SULT1B1: variants seen among roughly 807,000 people sequenced by gnomAD.
The protein encoded by SULT1B1 is sulfotransferase 1B1.
A neutral mutation model predicts 34.6 loss-of-function variants in SULT1B1; 28 were observed. That is an observed-to-expected ratio of 0.81 (90% CI 0.60 to 1.11). SULT1B1 has a LOEUF of 1.11. SULT1B1 is among the 50% of genes least tolerant of loss of function. The pLI, the probability that SULT1B1 is intolerant of heterozygous loss-of-function variation, is 0.00. For synonymous variants in SULT1B1, 147 were observed against 110.2 expected, an observed-to-expected ratio of 1.33 and a Z score of -2.09; for missense variants, 374 against 352.2, an observed-to-expected ratio of 1.06 and a Z score of -0.50.
At position 69,734,959 on chromosome 4, in the gene SULT1B1, C is replaced by T. The variant is rs1299437111; in HGVS notation, c.376-695G>A. 2.0e-5 allele frequency among the ~76,000 whole-genome samples: 3 copies of T among 151,788 alleles called. No homozygotes were observed. In the East Asian group the frequency reaches 5.8e-4, roughly 30 times the overall value. ...TCAGCCTCCGGAGTAGCTGTGACTACAGGCGCCCGCCACCACGCCTGGCTA... is the reference window on the plus strand; with the variant it reads ...TCAGCCTCCGGAGTAGCTGTGACTATAGGCGCCCGCCACCACGCCTGGCTA... On this transcript the variant is annotated intron_variant, in intron 4 of 7. Transcript: ENST00000310613.
chr4:69,747,292 G>A (rs1560528241), intron 4 of SULT1B1, among the ~76,000 whole-genome samples: 1 of 152,314 alleles, frequency 6.6e-6, no homozygotes, highest in Non-Finnish European at 1.5e-5. Context: ...GGTGGGAGAA[G>A]ACTGAAAGTG....
chr4:69,745,999 A>C (rs907881517), intron 4 of SULT1B1, among the ~76,000 whole-genome samples: 8 of 152,184 alleles, frequency 5.3e-5, no homozygotes, highest in Non-Finnish European at 8.8e-5. Flanking sequence ...TCTTGGTTGG[A>C]ATTTCCTTTC....
chr4:69,753,420 T>C (rs1469618998), intron 3 of SULT1B1, among the ~76,000 whole-genome samples: 1 of 152,214 alleles, frequency 6.6e-6, no homozygotes, highest in Non-Finnish European at 1.5e-5. Context: ...AAACTCTATA[T>C]AATTTTTCTT....
At chr4:69,754,920 C>T in intron 2 of SULT1B1, 122 bp from the exon 3 acceptor site, 1 of 1,269,112 alleles carries the variant, frequency 7.9e-7, no homozygotes, top group Non-Finnish European at 1.1e-6. Flanking sequence ...CCTTTCTATG[C>T]ACCAAATGCC....
chr4:69,727,221 A>T, intron 7 of SULT1B1, 21 bp from the exon 8 acceptor site: 3 of 1,574,968 alleles, frequency 1.9e-6, no homozygotes, highest in Non-Finnish European at 2.6e-6. Context: ...ATAAAAAAAC[A>T]TAGGAAAGAA....
intron 6 of SULT1B1, 87 bp downstream of exon 6, chr4:69,733,326 G>A (rs536879569): frequency 2.0e-5 from 18 of 913,716 alleles, no homozygotes; most frequent in African/African-American, 1.9e-4. Context: ...TTTTGGACTC[G>A]ATAGACTAAG....
intron 1 of SULT1B1, among the ~76,000 whole-genome samples, chr4:69,757,939 T>C (rs986045968): frequency 6.6e-6 from 1 of 152,208 alleles, no homozygotes; most frequent in Non-Finnish European, 1.5e-5. Context: ...GTTTAGAGCA[T>C]GTGAGACCCT....
intron 7 of SULT1B1, among the ~76,000 whole-genome samples, chr4:69,730,256 C>G (rs1302949254): frequency 6.6e-6 from 1 of 152,136 alleles, no homozygotes; most frequent in Non-Finnish European, 1.5e-5. Flanking sequence ...GCCAAAACCA[C>G]TCTCATTTAG....
At chr4:69,749,394 A>T (rs1408985331) in intron 4 of SULT1B1, among the ~76,000 whole-genome samples, 2 of 152,182 alleles carry the variant, frequency 1.3e-5, no homozygotes. Context: ...ACAACAAAGA[A>T]TTATACCAAA....
chr4:69,734,000 A>G (rs1718191252), intron 5 of SULT1B1, 138 bp downstream of exon 5: 2 of 712,462 alleles, frequency 2.8e-6, no homozygotes, highest in Admixed American at 3.7e-5. Context: ...GATGCATTAG[A>G]TTTAGTTTTT....
At chr4:69,759,218 C>T (rs993254302) in intron 1 of SULT1B1, among the ~76,000 whole-genome samples, 3 of 152,112 alleles carry the variant, frequency 2.0e-5, no homozygotes, top group South Asian at 2.1e-4. Context: ...ATCTTCAGAG[C>T]GTCTGCTCAA....
At position 69,726,030 on chromosome 4, in the gene SULT1B1, G is replaced by GTATATA. The variant is rs1560517552; in HGVS notation, c.*1057_*1058insTATATA. 4 of 42,066 alleles carry GTATATA rather than the reference G, an allele frequency of 9.5e-5. No individual in the cohort carries two copies. Among genetic ancestry groups the GTATATA allele is most frequent in the Non-Finnish European group, 2.0e-4 (4 of 20,284 alleles). 2.6% of individuals were successfully genotyped at this position (42,066 alleles called of 1,614,324 possible). Reference sequence around the variant, plus strand: ...GGAACTTAAAGTATAATAATAAAATGTACATATATATATATATATATATAT... The same window carrying GTATATA: ...GGAACTTAAAGTATAATAATAAAATGTATATATACATATATATATATATATATATAT... On this transcript the variant is annotated 3_prime_UTR_variant, in exon 8 of 8. Coordinates refer to ENST00000310613, the MANE Select transcript of SULT1B1 (RefSeq NM_014465.4).
intron 4 of SULT1B1, among the ~76,000 whole-genome samples, chr4:69,740,646 T>C (rs1718511371): frequency 6.6e-6 from 1 of 152,230 alleles, no homozygotes; most frequent in Non-Finnish European, 1.5e-5. Flanking sequence ...TACATGTGTC[T>C]TCTTGGTAGA....
intron 4 of SULT1B1, among the ~76,000 whole-genome samples, chr4:69,745,403 G>A (rs1287660897): frequency 1.3e-5 from 2 of 152,156 alleles, no homozygotes; most frequent in Non-Finnish European, 2.9e-5. Context: ...GGATGCATAT[G>A]TATTTAGAAC....
At chr4:69,756,458 G>T (rs1007316657) in intron 1 of SULT1B1, among the ~76,000 whole-genome samples, 4 of 152,138 alleles carry the variant, frequency 2.6e-5, no homozygotes, top group South Asian at 2.1e-4. Context: ...TATTTAAATT[G>T]GTAGACTGAG....
intron 7 of SULT1B1, among the ~76,000 whole-genome samples, chr4:69,730,044 C>A (rs1025524049): frequency 6.6e-6 from 1 of 152,030 alleles, no homozygotes; most frequent in African/African-American, 2.4e-5. Flanking sequence ...GGTCAAATAG[C>A]AGTTTCTCCT....
At position 69,725,937 on chromosome 4, in the gene SULT1B1, G is replaced by C. The variant is rs979309559; in HGVS notation, c.*1151C>G. 6.7e-6 allele frequency: 1 copy of C among 149,284 alleles called. No homozygotes were observed. The highest frequency in any genetic ancestry group is 2.5e-5 in the African/African-American group (1 of 40,540). The allele number at this position is 149,284 out of a possible 1,614,324, so 9.2% of individuals were successfully genotyped here. On this transcript the variant is annotated 3_prime_UTR_variant, in exon 8 of 8. Coordinates refer to ENST00000310613, the MANE Select transcript of SULT1B1 (RefSeq NM_014465.4). Reference sequence around the variant, plus strand: ...ACCTAATGTAAATGACGAGTTAATGGATGCAGCACACCAACATGGCACATG... The same window carrying C: ...ACCTAATGTAAATGACGAGTTAATGCATGCAGCACACCAACATGGCACATG...
In SULT1B1 at chr4:69,722,178, C is replaced by A. The variant is rs1329930982; in HGVS notation, c.*4910G>T. The A allele has an allele frequency of 6.6e-6, 1 of 152,104 alleles. No homozygotes were observed. The highest frequency in any genetic ancestry group is 1.5e-5 in the Non-Finnish European group (1 of 67,990). 9.4% of individuals were successfully genotyped at this position (152,104 alleles called of 1,614,324 possible). ...TCTATTTTTATCTCCACTCTTCACT[C>A]AGTGCATAGAAACATACCTGAGGCA... On this transcript the variant is annotated 3_prime_UTR_variant, in exon 8 of 8. Transcript: ENST00000310613.
chr4:69,734,754 G>T (rs1718230797), intron 4 of SULT1B1, among the ~76,000 whole-genome samples: 1 of 151,436 alleles, frequency 6.6e-6, no homozygotes, highest in Admixed American at 6.6e-5. Flanking sequence ...ATATTAAAAG[G>T]CATTAAAATA....
Sources: allele counts gnomAD v4.1 joint callset (sites outside exome capture counted in the v4.1 genomes callset), GRCh38; gene constraint gnomAD v4.1.1; transcripts MANE v1.5; gene names NCBI Gene and HGNC (gene_info 2026-07-23, HGNC 2026-07-21).